PSMA1: variants seen among roughly 807,000 people sequenced by gnomAD.
PSMA1 encodes proteasome 20S subunit alpha 1, also known as proteasome subunit alpha type-1.
PSMA1 carries 3 observed loss-of-function variants against 38.4 expected under a neutral mutation model. The observed-to-expected ratio is 0.08, with a 90% CI of 0.04 to 0.20. The LOEUF is 0.20. PSMA1 is among the 10% of genes least tolerant of loss of function. The pLI, the probability that PSMA1 is intolerant of heterozygous loss-of-function variation, is 1.00. For missense variants in PSMA1, 227 were observed against 325.3 expected, an observed-to-expected ratio of 0.70 and a Z score of 2.32; for synonymous variants, 101 against 107.1, an observed-to-expected ratio of 0.94 and a Z score of 0.35.
intron 2 of PSMA1, among the ~76,000 whole-genome samples, chr11:14,543,277 C>A (rs1296516214): frequency 6.6e-6 from 1 of 152,174 alleles, no homozygotes; most frequent in Admixed American, 6.5e-5. Context: ...GGGAGAAGAT[C>A]CTTTGAGCCC....
chr11:14,571,350 A>G (rs1386717908), intron 2 of PSMA1, among the ~76,000 whole-genome samples: 1 of 152,202 alleles, frequency 6.6e-6, no homozygotes, highest in East Asian at 1.9e-4. Flanking sequence ...GGCATGAGCC[A>G]TCGTGCCAGG....
chr11:14,541,543 C>T (rs866452649), intron 2 of PSMA1, among the ~76,000 whole-genome samples: 9 of 152,220 alleles, frequency 5.9e-5, no homozygotes, highest in South Asian at 4.1e-4. Flanking sequence ...CAGTCCCTTC[C>T]GTGCTGACCT....
intron 1 of PSMA1, among the ~76,000 whole-genome samples, chr11:14,632,292 C>T (rs1205242881): frequency 6.7e-6 from 1 of 150,054 alleles, no homozygotes; most frequent in African/African-American, 2.5e-5. Flanking sequence ...CATGATTTTG[C>T]AGTGGCTGGT....
chr11:14,602,981 T>C (rs1461521139), intron 2 of PSMA1, among the ~76,000 whole-genome samples: 1 of 152,116 alleles, frequency 6.6e-6, no homozygotes, highest in Non-Finnish European at 1.5e-5. Flanking sequence ...ACACTATAGA[T>C]GTGGGGGTTT....
intron 2 of PSMA1, among the ~76,000 whole-genome samples, chr11:14,541,439 G>A (rs1045889056): frequency 2.0e-5 from 3 of 152,166 alleles, no homozygotes; most frequent in African/African-American, 4.8e-5. Context: ...CAGAACTGGG[G>A]GAGCTCTGCT....
chr11:14,582,374 C>T (rs1464345711), intron 2 of PSMA1, among the ~76,000 whole-genome samples: 3 of 152,114 alleles, frequency 2.0e-5, no homozygotes, highest in African/African-American at 7.2e-5. Flanking sequence ...CTCCCAGCAC[C>T]TCCCATGCAA....
chr11:14,628,458 T>C (rs372651522), intron 1 of PSMA1, among the ~76,000 whole-genome samples: 15 of 150,696 alleles, frequency 1.0e-4, no homozygotes, highest in African/African-American at 3.4e-4. Flanking sequence ...AGGATGATGA[T>C]TTCCAATTTC....
At chr11:14,617,558 A>G (rs761356217) in intron 1 of PSMA1, among the ~76,000 whole-genome samples, 9 of 152,142 alleles carry the variant, frequency 5.9e-5, no homozygotes, top group Non-Finnish European at 1.2e-4. Context: ...GTAAGAATTT[A>G]ATACACACTA....
chr11:14,587,183 C>T lies in PSMA1; in HGVS notation c.21+23783G>A, dbSNP rs117668676. ...TCCCTGCTCTTCTCTGTTGCTGCCT[C>T]TCACAGGCTGTCTTGTTCTTTCATT... On this transcript the variant is annotated intron_variant, in intron 2 of 10. Transcript: ENST00000418988. Among the ~76,000 whole-genome samples, 271 of 152,308 alleles carry T rather than the reference C, an allele frequency of 1.8e-3. 7 individuals carry two copies. The East Asian group carries it at 0.042, about 24-fold the overall frequency.
chr11:14,527,581 C>A (rs549462079), intron 2 of PSMA1, among the ~76,000 whole-genome samples: 1 of 152,180 alleles, frequency 6.6e-6, no homozygotes, highest in Non-Finnish European at 1.5e-5. Context: ...ACATCAAGCT[C>A]GGGGATTTGC....
upstream of PSMA1, chr11:14,520,640 G>T: frequency 2.0e-6 from 1 of 495,240 alleles, no homozygotes; most frequent in Non-Finnish European, 3.4e-6. Flanking sequence ...AGTTTCTCCC[G>T]CTGGCGGGCT....
At chr11:14,596,540 CTGTT>C (rs1364367235) in intron 2 of PSMA1, among the ~76,000 whole-genome samples, 15 of 152,184 alleles carry the variant, frequency 9.9e-5, no homozygotes, top group Admixed American at 3.3e-4. Context: ...ATTTGGCTCT[CTGTT>C]TGTCTTTTAA....
intron 2 of PSMA1, among the ~76,000 whole-genome samples, chr11:14,537,269 C>G (rs1589986436): frequency 6.6e-6 from 1 of 152,182 alleles, no homozygotes; most frequent in Non-Finnish European, 1.5e-5. Flanking sequence ...ACAATTCTTC[C>G]TCCCTGACCC....
intron 2 of PSMA1, among the ~76,000 whole-genome samples, chr11:14,532,053 T>G (rs1404453135): frequency 6.6e-6 from 1 of 152,152 alleles, no homozygotes; most frequent in Non-Finnish European, 1.5e-5. Context: ...GCTGAGACTC[T>G]GACTAATATA....
chr11:14,630,576 A>G (rs1466989485), intron 1 of PSMA1, among the ~76,000 whole-genome samples: 1 of 151,828 alleles, frequency 6.6e-6, no homozygotes, highest in African/African-American at 2.4e-5. Context: ...CCAGTATTTT[A>G]TTGAGGATTT....
intron 2 of PSMA1, among the ~76,000 whole-genome samples, chr11:14,604,157 T>A (rs976503391): frequency 2.0e-5 from 3 of 152,214 alleles, no homozygotes; most frequent in Non-Finnish European, 4.4e-5. Context: ...CCTCCTGGGT[T>A]CAAGTGATTA....
chr11:14,520,444 T>C, upstream of PSMA1: 1 of 1,582,650 alleles, frequency 6.3e-7, no homozygotes, highest in East Asian at 2.3e-5. Context: ...TCCAGAGATA[T>C]CGATAGGCTT....
intron 7 of PSMA1, chr11:14,511,153 G>T: frequency 8.3e-6 from 3 of 361,856 alleles, no homozygotes; most frequent in South Asian, 6.5e-5. Flanking sequence ...TTTAATGAGA[G>T]GACTCATGAT....
chr11:14,631,846 G>A (rs1475511961), intron 1 of PSMA1, among the ~76,000 whole-genome samples: 2 of 150,744 alleles, frequency 1.3e-5, no homozygotes, highest in South Asian at 2.1e-4. Flanking sequence ...GAATCTTGGT[G>A]CTCCTGTATT....
Sources: allele counts gnomAD v4.1 joint callset (sites outside exome capture counted in the v4.1 genomes callset), GRCh38; gene constraint gnomAD v4.1.1; transcripts MANE v1.5; gene names NCBI Gene and HGNC (gene_info 2026-07-23, HGNC 2026-07-21).